The following DCT variants were observed in gnomAD, a reference collection of about 807,000 sequenced individuals.
DCT encodes dopachrome tautomerase.
Under a neutral mutation model 53.0 loss-of-function variants are expected in DCT, and 47 were observed. The observed-to-expected ratio is 0.89, with a 90% CI of 0.70 to 1.13. DCT has a LOEUF of 1.13. Among genes scored for constraint, DCT ranks in the 50% most tolerant of loss-of-function variants. The pLI, the probability that DCT is intolerant of heterozygous loss-of-function variation, is 0.00. For synonymous variants in DCT, 244 were observed against 237.0 expected (o/e 1.03, Z -0.27); for missense variants, 669 against 637.4 (o/e 1.05, Z -0.53).
chr13:94,439,827 TTAGTTCCTTTA>T lies in DCT; in HGVS notation c.*60_*70del. The T allele has an allele frequency of 8.8e-7, 1 of 1,134,580 alleles. No homozygotes were observed. The highest frequency in any genetic ancestry group is 1.6e-5 in the African/African-American group (1 of 64,056). 70.3% of individuals were successfully genotyped at this position (1,134,580 alleles called of 1,614,324 possible). ...TCAACTCAAGAAGGAACAGTGAGGA[TTAGTTCCTTTA>T]TTGTCAGCGTCAGAACTGTGGCTTG... On this transcript the variant is annotated 3_prime_UTR_variant, in exon 8 of 8. Coordinates refer to ENST00000377028, the MANE Select transcript of DCT (RefSeq NM_001922.5).
the DCT span, among the ~76,000 whole-genome samples, chr13:94,504,529 G>A: frequency 2.0e-5 from 3 of 151,988 alleles, no homozygotes; most frequent in South Asian, 4.2e-4. Flanking sequence ...CACAATGCCC[G>A]GCTAATTTTT....
At chr13:94,546,325 T>C in the DCT span, among the ~76,000 whole-genome samples, 1 of 152,174 alleles carries the variant, frequency 6.6e-6, no homozygotes, top group Non-Finnish European at 1.5e-5. The surrounding 1 kb of genome is among the most constrained non-coding windows in gnomAD (Gnocchi z 4.2). Flanking sequence ...CCTTCCTGAC[T>C]CTGCTGAAGC....
At chr13:94,462,841 C>G (rs545928611) in intron 4 of DCT, among the ~76,000 whole-genome samples, 1 of 152,072 alleles carries the variant, frequency 6.6e-6, no homozygotes, top group Admixed American at 6.5e-5. Context: ...TAGGGTGGTT[C>G]GTATTATGCT....
intron 6 of DCT, among the ~76,000 whole-genome samples, chr13:94,446,222 T>C (rs1882722556): frequency 6.6e-6 from 1 of 152,110 alleles, no homozygotes; most frequent in African/African-American, 2.4e-5. Context: ...GGGAAGATAA[T>C]ATATATTAGG....
chr13:94,447,623 T>A lies in DCT; in HGVS notation c.1180-3986A>T, dbSNP rs372039138. 3.3e-5 allele frequency among the ~76,000 whole-genome samples: 5 copies of A among 152,198 alleles called. No individual in the cohort carries two copies. In the East Asian group the frequency reaches 9.6e-4, roughly 29 times the overall value. On this transcript the variant is annotated intron_variant, in intron 6 of 7. Coordinates refer to ENST00000377028, the MANE Select transcript of DCT (RefSeq NM_001922.5). ...TTGATTTTGAAGGCATATTCTCCAA[T>A]CTTAACAATGCAGAAAGAGGATACT...
At chr13:94,508,162 CTAAT>C in the DCT span, among the ~76,000 whole-genome samples, 3 of 152,200 alleles carry the variant, frequency 2.0e-5, no homozygotes, top group Admixed American at 2.0e-4. Flanking sequence ...TATCATTGCC[CTAAT>C]TGTTTGTCAT....
intron 6 of DCT, among the ~76,000 whole-genome samples, chr13:94,453,585 C>CT (rs1035663752): frequency 6.6e-6 from 1 of 151,302 alleles, no homozygotes; most frequent in Non-Finnish European, 1.5e-5. Flanking sequence ...TATGGTTTAG[C>CT]TGTGTTCCCA....
At chr13:94,471,315 A>G (rs563179965) in intron 1 of DCT, among the ~76,000 whole-genome samples, 1 of 152,204 alleles carries the variant, frequency 6.6e-6, no homozygotes, top group African/African-American at 2.4e-5. Flanking sequence ...ATAATATATC[A>G]TATATCCCAC....
At chr13:94,473,017 C>G (rs1012994739) in intron 1 of DCT, among the ~76,000 whole-genome samples, 3 of 152,062 alleles carry the variant, frequency 2.0e-5, no homozygotes, top group African/African-American at 7.2e-5. Context: ...CAGTTTTTCC[C>G]CCTCTCTGTA....
the DCT span, among the ~76,000 whole-genome samples, chr13:94,515,232 C>T: frequency 4.3e-4 from 66 of 152,362 alleles, 1 homozygote; most frequent in African/African-American, 1.5e-3. Context: ...TGGTACTCTG[C>T]TGTAGCAGCC....
intron 6 of DCT, 86 bp from the exon 7 acceptor site, chr13:94,443,723 T>A: frequency 4.6e-6 from 5 of 1,093,952 alleles, no homozygotes; most frequent in Non-Finnish European, 5.4e-6. Flanking sequence ...TAAAGTGGAA[T>A]AACTTCTTCT....
Position 94,460,153 on chromosome 13 carries a change from G to C in DCT, c.1117C>G (p.His373Asp). Residue 373 changes from histidine to aspartate, a missense_variant, in exon 6 of 8, where the codon CAT becomes GAT. Coordinates refer to ENST00000377028, the MANE Select transcript of DCT (RefSeq NM_001922.5). ...SQVMSLHNLV[H>D]SFLNGTNALP... ...GCGTTTGTCCCGTTCAGGAAGGAAT[G>C]AACCAAATTATGAAGGCTCATCACT... 1.2e-6 allele frequency: 2 copies of C among 1,614,096 alleles called. No individual in the cohort carries two copies. The highest frequency in any genetic ancestry group is 1.7e-6 in the Non-Finnish European group (2 of 1,179,962).
At chr13:94,460,251 A>G in intron 5 of DCT, 25 bp from the exon 6 acceptor site, 1 of 1,607,610 alleles carries the variant, frequency 6.2e-7, no homozygotes. Flanking sequence ...TATATCAGTG[A>G]CAACAGACAA....
At chr13:94,491,324 A>G in the DCT span, among the ~76,000 whole-genome samples, 1 of 152,166 alleles carries the variant, frequency 6.6e-6, no homozygotes, top group Non-Finnish European at 1.5e-5. Context: ...ATAGAACTCC[A>G]ATCTTAATAT....
chr13:94,455,839 A>G (rs1401811983), intron 6 of DCT, among the ~76,000 whole-genome samples: 2 of 152,242 alleles, frequency 1.3e-5, no homozygotes, highest in African/African-American at 4.8e-5. Context: ...CCACTGTTCT[A>G]CTTATAACAT....
the DCT span, among the ~76,000 whole-genome samples, chr13:94,506,203 TTTAC>T: frequency 6.6e-6 from 1 of 152,204 alleles, no homozygotes; most frequent in Non-Finnish European, 1.5e-5. Context: ...CCCCCTGGTG[TTTAC>T]TTAATCGCTT....
chr13:94,500,141 C>A, the DCT span, among the ~76,000 whole-genome samples: 1 of 152,058 alleles, frequency 6.6e-6, no homozygotes, highest in Non-Finnish European at 1.5e-5. Context: ...AAGCTTTTAC[C>A]CTTTCATCAA....
chr13:94,505,246 C>A, the DCT span, among the ~76,000 whole-genome samples: 1 of 150,882 alleles, frequency 6.6e-6, no homozygotes, highest in African/African-American at 2.4e-5. Context: ...CTTACTAGGT[C>A]TTAGATTTTT....
At chr13:94,442,306 TG>T (rs1211713128) in intron 7 of DCT, among the ~76,000 whole-genome samples, 4 of 152,196 alleles carry the variant, frequency 2.6e-5, no homozygotes, top group Non-Finnish European at 5.9e-5. Flanking sequence ...GTTTTGTTTT[TG>T]TTTTTTTGGG....
Sources: allele counts gnomAD v4.1 joint callset (sites outside exome capture counted in the v4.1 genomes callset), GRCh38; gene constraint gnomAD v4.1.1; non-coding constraint Gnocchi (gnomAD v3.1); transcripts MANE v1.5; gene names NCBI Gene and HGNC (gene_info 2026-07-23, HGNC 2026-07-21).